Variants in SMG6 observed in about 807,000 individuals in gnomAD.
The protein encoded by SMG6 is SMG6 nonsense mediated mRNA decay factor.
SMG6 carries 66 observed loss-of-function variants against 142.2 expected under a neutral mutation model. The observed-to-expected ratio is 0.46, with a 90% CI of 0.38 to 0.57. SMG6 has a LOEUF of 0.57. Among genes scored for constraint, SMG6 ranks in the 20% least tolerant of loss-of-function variants. The probability of loss-of-function intolerance (pLI) is 0.00; values close to 1 mark genes in which losing one functional copy is unlikely to be tolerated. For missense variants in SMG6, 1,793 were observed against 1,832.0 expected (o/e 0.98, Z 0.39); for synonymous variants, 779 against 702.4 (o/e 1.11, Z -1.72).
intron 13 of SMG6, among the ~76,000 whole-genome samples, chr17:2,157,477 G>A (rs1273032063): frequency 6.6e-6 from 1 of 152,080 alleles, no homozygotes; most frequent in East Asian, 1.9e-4. Flanking sequence ...CAAAGATGAG[G>A]GTAAACAGAT....
intron 13 of SMG6, among the ~76,000 whole-genome samples, chr17:2,123,881 GA>G (rs2069783472): frequency 6.6e-6 from 1 of 152,150 alleles, no homozygotes; most frequent in Non-Finnish European, 1.5e-5. Context: ...ATCACTTCCT[GA>G]AAACAGAGCA....
At chr17:2,290,551 ACTT>A (rs1252512268) in intron 6 of SMG6, among the ~76,000 whole-genome samples, 2 of 152,224 alleles carry the variant, frequency 1.3e-5, no homozygotes, top group African/African-American at 4.8e-5. Context: ...TGTGAAGACA[ACTT>A]CTTAAATAAA....
At chr17:2,241,754 A>G (rs2073806900) in intron 9 of SMG6, among the ~76,000 whole-genome samples, 1 of 152,174 alleles carries the variant, frequency 6.6e-6, no homozygotes, top group Non-Finnish European at 1.5e-5. Flanking sequence ...TATGTGTCAA[A>G]ATATAAGAAT....
intron 2 of SMG6, 70 bp from the exon 3 acceptor site, chr17:2,298,125 T>C (rs1001779857): frequency 2.8e-5 from 39 of 1,416,726 alleles, no homozygotes; most frequent in Middle Eastern, 4.7e-4. Context: ...AGTTTTGAGA[T>C]TCCTGCAAAT....
chr17:2,137,938 C>A (rs1205176721), intron 13 of SMG6, among the ~76,000 whole-genome samples: 1 of 152,152 alleles, frequency 6.6e-6, no homozygotes, highest in Non-Finnish European at 1.5e-5. Flanking sequence ...CTCACACAGC[C>A]CTCATAAGAC....
At chr17:2,204,738 G>A (rs934611493) in intron 10 of SMG6, among the ~76,000 whole-genome samples, 1 of 152,182 alleles carries the variant, frequency 6.6e-6, no homozygotes. Context: ...CGAGGTAGGC[G>A]AATCACTTAA....
chr17:2,194,764 G>C (rs1034755734), intron 10 of SMG6, among the ~76,000 whole-genome samples: 1 of 152,102 alleles, frequency 6.6e-6, no homozygotes, highest in Non-Finnish European at 1.5e-5. Context: ...TGCTGTTGAG[G>C]GGGTACGTAG....
chr17:2,083,466 T>C (rs2068477739), intron 14 of SMG6, among the ~76,000 whole-genome samples: 3 of 152,214 alleles, frequency 2.0e-5, no homozygotes, highest in Admixed American at 2.0e-4. Context: ...TGATTCAGTT[T>C]TGCAGTTTGG....
chr17:2,233,203 G>A (rs1294263369), intron 10 of SMG6: 1 of 152,246 alleles, frequency 6.6e-6, no homozygotes, highest in Non-Finnish European at 1.5e-5. Flanking sequence ...GGAAGACCCA[G>A]GTAGAGACTG....
At chr17:2,137,462 T>C (rs891512977) in intron 13 of SMG6, among the ~76,000 whole-genome samples, 1 of 151,962 alleles carries the variant, frequency 6.6e-6, no homozygotes, top group Non-Finnish European at 1.5e-5. Context: ...CTCCAAGAAA[T>C]GGTGTGACAG....
intron 13 of SMG6, among the ~76,000 whole-genome samples, chr17:2,119,097 G>A (rs1302592169): frequency 4.1e-5 from 6 of 145,826 alleles, no homozygotes; most frequent in African/African-American, 1.0e-4. Flanking sequence ...TTGCTCTGTC[G>A]CCCAGGCTGG....
At chr17:2,208,360 C>CTGTAGAAATACTG (rs2072751196) in intron 10 of SMG6, among the ~76,000 whole-genome samples, 1 of 152,126 alleles carries the variant, frequency 6.6e-6, no homozygotes, top group Admixed American at 6.6e-5. Context: ...GTATTTCTAC[C>CTGTAGAAATACTG]TGTAGAAATA....
chr17:2,102,340 T>C (rs1294017935), intron 13 of SMG6, among the ~76,000 whole-genome samples: 1 of 152,070 alleles, frequency 6.6e-6, no homozygotes, highest in African/African-American at 2.4e-5. Context: ...GTGAGAAAAT[T>C]TGAAATTTAC....
rs773284465 is a variant in SMG6, at chr17:2,299,691, G to A, written c.1062C>T (p.Phe354=). The change falls in exon 2 of 19, where the codon TTC becomes TTT. Residue 354 remains phenylalanine, a synonymous_variant. Coordinates refer to ENST00000263073, the MANE Select transcript of SMG6 (RefSeq NM_017575.5). This position sits in a 1 kb window ranked among gnomAD's most constrained non-coding sequence, Gnocchi z 4.3. ...ACTCTTTGTTCATGGCTTCTGCATC[G>A]AAAGTGACACGAAGAGTGCCTCGAT... ...KEYRGTLRVT[F]DAEAMNKESP... The A allele has an allele frequency of 3.9e-5, 63 of 1,614,102 alleles. No homozygotes were observed. Among genetic ancestry groups the A allele is most frequent in the East Asian group, 1.8e-4 (8 of 44,880 alleles).
intron 13 of SMG6, among the ~76,000 whole-genome samples, chr17:2,150,323 G>A (rs993655075): frequency 1.1e-4 from 17 of 152,200 alleles, no homozygotes; most frequent in African/African-American, 3.6e-4. Flanking sequence ...TGGAAAAACT[G>A]TCTCCCACAA....
chr17:2,169,043 G>A (rs1180139493), intron 13 of SMG6, among the ~76,000 whole-genome samples: 1 of 151,268 alleles, frequency 6.6e-6, no homozygotes, highest in Admixed American at 6.6e-5. Flanking sequence ...ACCATGCCCA[G>A]CCAAAACTTT....
intron 15 of SMG6, among the ~76,000 whole-genome samples, chr17:2,075,318 C>T (rs981843282): frequency 0.014 from 196 of 13,746 alleles, 1 homozygote; most frequent in Non-Finnish European, 0.026. Context: ...GGCGGGTGGG[C>T]GGGAAAGGGA....
Position 2,188,543 on chromosome 17 carries a change from C to T in SMG6, c.2870-28G>A, listed in dbSNP as rs775394262. 1.9e-5 allele frequency: 31 copies of T among 1,596,506 alleles called. 2 individuals carry two copies. The South Asian group carries it at 2.0e-4, about 10-fold the overall frequency. On this transcript the variant is annotated intron_variant, in intron 10 of 18. Coordinates refer to ENST00000263073, the MANE Select transcript of SMG6 (RefSeq NM_017575.5). Reference sequence around the variant, plus strand: ...GCGGACAGGCAAATGAAACTCTCAGCGCCCCAGGCGGACAAGATGCACATC... The same window carrying T: ...GCGGACAGGCAAATGAAACTCTCAGTGCCCCAGGCGGACAAGATGCACATC...
At chr17:2,248,885 G>A (rs1199484399) in intron 8 of SMG6, among the ~76,000 whole-genome samples, 1 of 143,786 alleles carries the variant, frequency 7.0e-6, no homozygotes, top group East Asian at 2.0e-4. Context: ...CAGATACTTT[G>A]GAGAACTTTT....
Sources: gnomAD v4.1 joint callset for allele counts (sites outside exome capture counted in the v4.1 genomes callset) on GRCh38, gnomAD v4.1.1 for gene constraint, Gnocchi (gnomAD v3.1) non-coding constraint, MANE v1.5 for transcripts, NCBI Gene and HGNC (gene_info 2026-07-23, HGNC 2026-07-21) for gene names.